Variants in IRAK1BP1 observed in about 807,000 individuals in gnomAD.
IRAK1BP1 encodes the protein interleukin-1 receptor-associated kinase 1-binding protein 1.
A neutral mutation model predicts 28.0 loss-of-function variants in IRAK1BP1; 24 were observed. That is an observed-to-expected ratio of 0.86 (90% confidence interval 0.62 to 1.20). IRAK1BP1 has a LOEUF of 1.20. IRAK1BP1 is among the 50% of genes most tolerant of loss of function. The probability of loss-of-function intolerance (pLI) is 0.00; values close to 1 mark genes in which losing one functional copy is unlikely to be tolerated. For missense variants in IRAK1BP1, 336 were observed against 316.7 expected (o/e 1.06, Z -0.46); for synonymous variants, 131 against 116.3 (o/e 1.13, Z -0.81).
chr6:78,876,471 C>T (rs1306720172), intron 1 of IRAK1BP1, among the ~76,000 whole-genome samples: 1 of 152,176 alleles, frequency 6.6e-6, no homozygotes, highest in Non-Finnish European at 1.5e-5. Context: ...TAGAAATAAA[C>T]AGTAGCTTAA....
At chr6:78,933,668 CTTTT>C (rs35416532) in intron 4 of IRAK1BP1, among the ~76,000 whole-genome samples, 42 of 136,616 alleles carry the variant, frequency 3.1e-4, no homozygotes, top group East Asian at 2.1e-4. Flanking sequence ...TAGCTTCCAA[CTTTT>C]TTTTTTTTTT....
chr6:78,874,211 C>T (rs1480261363), intron 1 of IRAK1BP1, among the ~76,000 whole-genome samples: 1 of 152,122 alleles, frequency 6.6e-6, no homozygotes, highest in African/African-American at 2.4e-5. Flanking sequence ...TTTTTGTGGC[C>T]AGAGAAATGC....
the IRAK1BP1 span, among the ~76,000 whole-genome samples, chr6:78,959,095 ATGC>A: frequency 5.9e-5 from 9 of 152,148 alleles, no homozygotes; most frequent in Admixed American, 2.0e-4. Context: ...AAAATATAGC[ATGC>A]TAGTTTACCA....
intron 2 of IRAK1BP1, among the ~76,000 whole-genome samples, chr6:78,897,114 A>G (rs553470260): frequency 4.0e-4 from 60 of 151,840 alleles, no homozygotes; most frequent in Non-Finnish European, 7.2e-4. Context: ...TTAGCTGGGC[A>G]TGGTGGTGCA....
At chr6:78,946,090 T>C (rs1346280362) in exon 5 of IRAK1BP1, 6 of 1,613,630 alleles carry the variant, frequency 3.7e-6, no homozygotes, top group Non-Finnish European at 5.1e-6. Flanking sequence ...GACAACTGGA[T>C]CTACAACCAC....
chr6:78,976,333 T>C, the IRAK1BP1 span, among the ~76,000 whole-genome samples: 2 of 144,366 alleles, frequency 1.4e-5, no homozygotes, highest in Non-Finnish European at 3.0e-5. Flanking sequence ...TGTAGAAAGC[T>C]GAAACTGGAT....
chr6:78,876,159 G>T (rs553977187), intron 1 of IRAK1BP1, among the ~76,000 whole-genome samples: 3 of 152,268 alleles, frequency 2.0e-5, no homozygotes, highest in Admixed American at 6.5e-5. Flanking sequence ...TGCTGTTCTT[G>T]TAAGAGTGAG....
intron 2 of IRAK1BP1, among the ~76,000 whole-genome samples, chr6:78,896,670 A>T (rs1337386484): frequency 6.6e-6 from 1 of 151,888 alleles, no homozygotes; most frequent in African/African-American, 2.4e-5. Context: ...TTCAAAAGTG[A>T]TATAATTCAC....
chr6:78,948,043 T>C (rs537038612), downstream of IRAK1BP1, among the ~76,000 whole-genome samples: 4 of 152,128 alleles, frequency 2.6e-5, no homozygotes, highest in African/African-American at 7.2e-5. Flanking sequence ...GATGGAGTTG[T>C]ATTGGAAAAG....
At chr6:78,870,287 T>A (rs749708089) in intron 1 of IRAK1BP1, among the ~76,000 whole-genome samples, 1 of 151,924 alleles carries the variant, frequency 6.6e-6, no homozygotes, top group Non-Finnish European at 1.5e-5. Flanking sequence ...CAAATTCACC[T>A]TCTTGGCATT....
In IRAK1BP1 at chr6:78,897,815, C is replaced by T; in HGVS notation, c.382-14C>T. The T allele has an allele frequency of 6.2e-7, 1 of 1,606,024 alleles. No homozygotes were observed. The highest frequency in any genetic ancestry group is 8.5e-7 in the Non-Finnish European group (1 of 1,175,478). On this transcript the variant is annotated splice_polypyrimidine_tract_variant and intron_variant, in intron 2 of 3. Coordinates refer to ENST00000369940, the MANE Select transcript of IRAK1BP1 (RefSeq NM_001010844.4). Reference sequence around the variant, plus strand: ...ATCAGACATGAAAATAATATCGTGTCATTTCATTTACAGGTCTGCATTACA... The same window carrying T: ...ATCAGACATGAAAATAATATCGTGTTATTTCATTTACAGGTCTGCATTACA...
chr6:78,873,154 C>T (rs1316128178), intron 1 of IRAK1BP1, among the ~76,000 whole-genome samples: 1 of 141,906 alleles, frequency 7.0e-6, no homozygotes, highest in Non-Finnish European at 1.5e-5. Flanking sequence ...ACTCCGGAGG[C>T]TGAGGCAGGA....
intron 1 of IRAK1BP1, among the ~76,000 whole-genome samples, chr6:78,874,171 A>G (rs1770903691): frequency 6.6e-6 from 1 of 152,214 alleles, no homozygotes; most frequent in Non-Finnish European, 1.5e-5. Flanking sequence ...AAAATCCTAC[A>G]GTTCACTCTA....
chr6:78,947,319 G>T (rs1189636650), downstream of IRAK1BP1, among the ~76,000 whole-genome samples: 1 of 152,126 alleles, frequency 6.6e-6, no homozygotes, highest in Non-Finnish European at 1.5e-5. Flanking sequence ...TCGCAAAAAT[G>T]CTCCACAAGG....
At chr6:78,961,610 G>T in the IRAK1BP1 span, 1 of 1,438,926 alleles carries the variant, frequency 6.9e-7, no homozygotes, top group South Asian at 1.2e-5. Context: ...AAAAAGTTGA[G>T]AAACACTGCT....
At chr6:78,923,193 G>A (rs1772789310) in intron 4 of IRAK1BP1, among the ~76,000 whole-genome samples, 1 of 151,632 alleles carries the variant, frequency 6.6e-6, no homozygotes, top group Non-Finnish European at 1.5e-5. Context: ...CATGTGCAGA[G>A]ACACACATAG....
At chr6:78,878,876 A>G (rs1771112118) in intron 1 of IRAK1BP1, among the ~76,000 whole-genome samples, 1 of 152,350 alleles carries the variant, frequency 6.6e-6, no homozygotes, top group Admixed American at 6.5e-5. Context: ...GTAGCCGATT[A>G]GATGAACTGG....
the IRAK1BP1 span, chr6:78,965,991 G>A: frequency 6.2e-7 from 1 of 1,613,536 alleles, no homozygotes; most frequent in East Asian, 2.2e-5. Context: ...TCAAGTTGAA[G>A]AGGTTCCTGG....
At chr6:78,954,363 C>A in the IRAK1BP1 span, among the ~76,000 whole-genome samples, 4 of 152,092 alleles carry the variant, frequency 2.6e-5, no homozygotes, top group Non-Finnish European at 5.9e-5. Flanking sequence ...GCCTCGGCCT[C>A]CCAAAGTGCT....
Sources: gnomAD v4.1 joint callset for allele counts (sites outside exome capture counted in the v4.1 genomes callset) on GRCh38, gnomAD v4.1.1 for gene constraint, MANE v1.5 for transcripts, NCBI Gene and HGNC (gene_info 2026-07-23, HGNC 2026-07-21) for gene names.